USH2A: variants seen among roughly 807,000 people sequenced by gnomAD.
USH2A encodes the protein usherin.
Under a neutral mutation model 538.9 loss-of-function variants are expected in USH2A, and 443 were observed. That is an observed-to-expected ratio of 0.82 (90% CI 0.76 to 0.89). USH2A has a LOEUF of 0.89. Ranked by LOEUF, USH2A falls within the 40% of genes least tolerant of loss-of-function variation. The pLI is 0.00. For synonymous variants in USH2A, 2,413 were observed against 2,273.5 expected (o/e 1.06, Z -1.75); for missense variants, 6,633 against 6,324.8 (o/e 1.05, Z -1.65).
chr1:215,875,886 T>C (rs1021501440), intron 43 of USH2A, among the ~76,000 whole-genome samples: 2 of 144,454 alleles, frequency 1.4e-5, no homozygotes, highest in Admixed American at 1.4e-4. Flanking sequence ...ATATTATTAA[T>C]TATATATAAT....
Position 216,207,360 on chromosome 1 carries a change from G to T in USH2A, c.3229C>A (p.Pro1077Thr). 1.2e-6 allele frequency: 2 copies of T among 1,614,048 alleles called. No individual in the cohort carries two copies. The highest frequency in any genetic ancestry group is 1.7e-6 in the Non-Finnish European group (2 of 1,179,964). Residue 1077 changes from proline (P) to threonine (T), a missense_variant, in exon 16 of 72, where the codon CCT (proline) becomes ACT (threonine). Physicochemically the swap from Pro to Thr is conservative, Grantham distance 38 (BLOSUM62 -1). Coordinates refer to ENST00000307340, the MANE Select transcript of USH2A (RefSeq NM_206933.4). ...SSAINLSWSPPDSPNAHWLTY... is the reference protein window; with the variant it reads ...SSAINLSWSPTDSPNAHWLTY... Reference sequence around the variant, plus strand: ...AGCCAGTGGGCATTTGGAGAATCAGGTGGACTCCAGGAGAGATTGATAGCA... The same window carrying T: ...AGCCAGTGGGCATTTGGAGAATCAGTTGGACTCCAGGAGAGATTGATAGCA...
At chr1:216,362,828 A>G (rs2038519773) in intron 4 of USH2A, among the ~76,000 whole-genome samples, 1 of 151,632 alleles carries the variant, frequency 6.6e-6, no homozygotes, top group Admixed American at 6.6e-5. Context: ...AATCCCAGCT[A>G]CTCAGGAGGC....
intron 44 of USH2A, among the ~76,000 whole-genome samples, chr1:215,864,215 A>T (rs1243057272): frequency 6.6e-6 from 1 of 152,184 alleles, no homozygotes; most frequent in Non-Finnish European, 1.5e-5. Context: ...CATGAGAAAT[A>T]GAAAATTTGA....
Position 215,647,726 on chromosome 1 carries a change from C to A in USH2A, c.14587G>T (p.Glu4863Ter). ...MFPNGVIHSY[E>*]LQFHVACPPD... ...GGGCAAGCCACGTGGAATTGGAGTT[C>A]ATAGCTAAAATGAGAATGGATACGT... The change falls in exon 67 of 72, where the codon GAA becomes TAA. Residue 4863 changes from glutamate (E) to a stop codon, truncating the protein, a stop_gained. Transcript: ENST00000307340. LOFTEE classifies it high-confidence loss of function. The A allele has an allele frequency of 6.2e-7, 1 of 1,614,076 alleles. No homozygotes were observed. The highest frequency in any genetic ancestry group is 1.1e-5 in the South Asian group (1 of 91,052).
intron 11 of USH2A, among the ~76,000 whole-genome samples, chr1:216,256,866 G>T (rs2036268724): frequency 6.6e-6 from 1 of 151,900 alleles, no homozygotes; most frequent in African/African-American, 2.4e-5. Context: ...TTAAGCTTTT[G>T]GAGAGTCAAA....
intron 16 of USH2A, among the ~76,000 whole-genome samples, chr1:216,206,044 C>T (rs138203802): frequency 3.1e-3 from 466 of 152,154 alleles, no homozygotes; most frequent in African/African-American, 0.011. Context: ...TCTATCTCTG[C>T]GGAAACAGCA....
intron 45 of USH2A, among the ~76,000 whole-genome samples, chr1:215,844,754 G>A (rs1197158278): frequency 1.3e-5 from 2 of 152,146 alleles, no homozygotes; most frequent in Non-Finnish European, 2.9e-5. Context: ...AGTGGGATAT[G>A]ATGATAAATT....
intron 21 of USH2A, among the ~76,000 whole-genome samples, chr1:216,097,680 A>G (rs1024066117): frequency 6.6e-6 from 1 of 152,204 alleles, no homozygotes; most frequent in Admixed American, 6.5e-5. Context: ...CTATAGAGGT[A>G]ATTTCCTGAA....
intron 43 of USH2A, among the ~76,000 whole-genome samples, chr1:215,873,067 G>A (rs1664663941): frequency 6.6e-6 from 1 of 151,976 alleles, no homozygotes; most frequent in African/African-American, 2.4e-5. Context: ...GCTAATACAA[G>A]GAGGTAACAC....
At position 216,292,226 on chromosome 1, in the gene USH2A, G is replaced by T. The variant is rs201127450; in HGVS notation, c.1789C>A (p.His597Asn). The change falls in exon 10 of 72, where the codon CAC (histidine) becomes AAC (asparagine). Residue 597 changes from histidine to asparagine, a missense_variant. By Grantham distance (68) the His-to-Asn change is moderately conservative. Transcript: ENST00000307340. ...CAAACTCCTCCTCCCCCTCTGAAGTGCTCAAAAGGAAATGGGTCTACAGAG... is the reference window on the plus strand; with the variant it reads ...CAAACTCCTCCTCCCCCTCTGAAGTTCTCAAAAGGAAATGGGTCTACAGAG... ...NISVDPFPFE[H>N]FRGGGGVCDD... 2.5e-5 allele frequency: 40 copies of T among 1,614,048 alleles called. No homozygotes were observed. The East Asian group carries it at 4.0e-4, about 16-fold the overall frequency.
At chr1:215,877,714 G>A (rs1664807684) in intron 43 of USH2A, 44 bp downstream of exon 43, 2 of 1,611,712 alleles carry the variant, frequency 1.2e-6, no homozygotes, top group Non-Finnish European at 8.5e-7. Flanking sequence ...AACATGCCCA[G>A]AACTAAATGC....
intron 64 of USH2A, among the ~76,000 whole-genome samples, chr1:215,653,595 C>T (rs912218771): frequency 2.0e-5 from 3 of 152,162 alleles, no homozygotes; most frequent in African/African-American, 7.2e-5. Context: ...GGCAGTGTCT[C>T]TGTTATATCA....
chr1:216,198,658 G>A (rs2102464646), intron 17 of USH2A, 74 bp from the exon 18 acceptor site: 24 of 1,385,914 alleles, frequency 1.7e-5, no homozygotes, highest in Middle Eastern at 2.3e-4. Flanking sequence ...GTAGGGACAG[G>A]TCAGTTAAAG....
At chr1:215,832,664 C>T (rs1012297237) in intron 47 of USH2A, among the ~76,000 whole-genome samples, 1 of 151,854 alleles carries the variant, frequency 6.6e-6, no homozygotes. Context: ...GGGTAAAAGA[C>T]TGAAAGTTTT....
intron 21 of USH2A, among the ~76,000 whole-genome samples, chr1:216,119,267 T>C (rs1016193983): frequency 1.1e-4 from 16 of 152,176 alleles, no homozygotes; most frequent in Admixed American, 6.6e-5. Flanking sequence ...CTAAAAACCA[T>C]AGAGGTGAAA....
rs768349896 is a variant in USH2A, at chr1:215,680,215, C to T, written c.12228G>A (p.Gln4076=). 1 of 1,614,178 alleles carries T rather than the reference C, an allele frequency of 6.2e-7. No homozygotes were observed. The highest frequency in any genetic ancestry group is 8.5e-7 in the Non-Finnish European group (1 of 1,180,020). Residue 4076 remains glutamine, a synonymous_variant, in exon 62 of 72, where the codon CAG becomes CAA. Coordinates refer to ENST00000307340, the MANE Select transcript of USH2A (RefSeq NM_206933.4). ...PSGLRNFIVE[Q]KENGRALLLQ... ...GTAGCAATGCCCGGCCATTCTCTTT[C>T]TGTTCTACTATAAAGTTTCTCAGTC...
chr1:216,420,724 A>T (rs2039661553), intron 2 of USH2A, among the ~76,000 whole-genome samples: 1 of 152,214 alleles, frequency 6.6e-6, no homozygotes, highest in Non-Finnish European at 1.5e-5. Context: ...TAAACTGAGT[A>T]GCTTGAATTT....
At chr1:215,981,664 A>C (rs577971753) in intron 35 of USH2A, among the ~76,000 whole-genome samples, 31 of 152,280 alleles carry the variant, frequency 2.0e-4, no homozygotes, top group Admixed American at 6.5e-4. Flanking sequence ...GAGTATACCA[A>C]ATCCAAATAA....
In USH2A at chr1:216,169,096, A is replaced by T. The variant is rs372035238; in HGVS notation, c.4627+6156T>A. 8.5e-5 allele frequency among the ~76,000 whole-genome samples: 13 copies of T among 152,188 alleles called. 1 individual carries two copies. The highest frequency in any genetic ancestry group is 3.3e-4 in the Admixed American group (5 of 15,262). On this transcript the variant is annotated intron_variant, in intron 21 of 71. Transcript: ENST00000307340. ...TCTGTCTAGGCAGTGGGCAAGGAGAACCCATTGAGTGGTTGCGGAAAACCC... is the reference window on the plus strand; with the variant it reads ...TCTGTCTAGGCAGTGGGCAAGGAGATCCCATTGAGTGGTTGCGGAAAACCC...
Sources: allele counts gnomAD v4.1 joint callset (sites outside exome capture counted in the v4.1 genomes callset), GRCh38; gene constraint gnomAD v4.1.1; transcripts MANE v1.5; gene names NCBI Gene and HGNC (gene_info 2026-07-23, HGNC 2026-07-21).